EIF2AK4: variants seen among roughly 807,000 people sequenced by gnomAD.
The protein encoded by EIF2AK4 is eIF-2-alpha kinase GCN2.
EIF2AK4 carries 139 observed loss-of-function variants against 211.1 expected under a neutral mutation model. The ratio of observed to expected loss-of-function variants is 0.66; its 90% CI spans 0.57 to 0.76. EIF2AK4 has a LOEUF of 0.76. EIF2AK4 is among the 30% of genes least tolerant of loss of function. EIF2AK4 has a pLI of 0.00. For synonymous variants in EIF2AK4, 710 were observed against 751.3 expected, an observed-to-expected ratio of 0.94 and a Z score of 0.90; for missense variants, 1,664 against 2,043.8, an observed-to-expected ratio of 0.81 and a Z score of 3.58.
In EIF2AK4 at chr15:39,949,352, A is replaced by G. The variant is rs529139248; in HGVS notation, c.513+84A>G. ...GTAGGTTTTATCTGTCTCTGCCTAC[A>G]AACTTATCTTTAAGTTTTGCTCAGC... On this transcript the variant is annotated intron_variant, in intron 4 of 38. Transcript: ENST00000263791. 1.9e-6 allele frequency: 3 copies of G among 1,539,224 alleles called. No homozygotes were observed. The African/African-American group carries it at 4.1e-5, about 21-fold the overall frequency.
Position 39,978,016 on chromosome 15 carries a change from T to C in EIF2AK4, c.2250-62T>C. 9 of 1,226,748 alleles carry C rather than the reference T, an allele frequency of 7.3e-6. 1 individual carries two copies. In the South Asian group the frequency reaches 1.2e-4, roughly 16 times the overall value. The allele number at this position is 1,226,748 out of a possible 1,614,324, so 76.0% of individuals were successfully genotyped here. On this transcript the variant is annotated intron_variant, in intron 12 of 38. Coordinates refer to ENST00000263791, the MANE Select transcript of EIF2AK4 (RefSeq NM_001013703.4). Reference sequence around the variant, plus strand: ...TTGTGCTTTCTAGTATTTAAAAATGTCCATGTTTATAATGATAATAGGGAT... The same window carrying C: ...TTGTGCTTTCTAGTATTTAAAAATGCCCATGTTTATAATGATAATAGGGAT...
chr15:40,026,461 A>C lies in EIF2AK4; in HGVS notation c.4502+372A>C, dbSNP rs561989554. On this transcript the variant is annotated intron_variant, in intron 33 of 38. Coordinates refer to ENST00000263791, the MANE Select transcript of EIF2AK4 (RefSeq NM_001013703.4). ...GAAGAGAAAGACCCTGTCTAAGAAA[A>C]ACAAAAAGAAAGAAATCAATTTGAT... is the stretch of plus-strand genomic sequence containing the variant. Among the ~76,000 whole-genome samples, 116 of 152,320 alleles carry C rather than the reference A, an allele frequency of 7.6e-4. 3 individuals are homozygous for C. The highest frequency in any genetic ancestry group is 7.1e-3 in the Admixed American group (109 of 15,300).
intron 29 of EIF2AK4, among the ~76,000 whole-genome samples, chr15:40,017,543 A>ATGTATGTATG (rs1391823952): frequency 2.4e-5 from 1 of 41,694 alleles, no homozygotes; most frequent in Non-Finnish European, 5.4e-5. Flanking sequence ...ATATATATAT[A>ATGTATGTATG]TATATATATA....
chr15:39,976,299 T>C (rs1370891246), intron 11 of EIF2AK4, 115 bp from the exon 12 acceptor site: 10 of 1,127,094 alleles, frequency 8.9e-6, no homozygotes, highest in Non-Finnish European at 1.1e-5. Context: ...TTCTTGACTG[T>C]AGCTGTGGGA....
chr15:39,957,807 A>G (rs17720724), intron 6 of EIF2AK4, among the ~76,000 whole-genome samples: 13,048 of 152,232 alleles, frequency 0.086, 748 homozygotes, highest in Middle Eastern at 0.23. Flanking sequence ...TAGGGTCTAC[A>G]GCCTCTTTAA....
intron 3 of EIF2AK4, 42 bp downstream of exon 3, chr15:39,943,527 TC>T: frequency 6.7e-7 from 1 of 1,492,390 alleles, no homozygotes; most frequent in Non-Finnish European, 9.1e-7. Flanking sequence ...ACAGTAAACT[TC>T]CCCATTACAC....
rs1432849108 is a variant in EIF2AK4 at position 40,022,564 on chromosome 15, T to C, written c.4348T>C (p.Tyr1450His). The C allele has an allele frequency of 1.9e-6, 3 of 1,614,098 alleles. No homozygotes were observed. In the East Asian group the frequency reaches 6.7e-5, roughly 36 times the overall value. Residue 1450 changes from tyrosine (Y) to histidine (H), a missense_variant, in exon 32 of 39, where the codon TAT becomes CAT. Coordinates refer to ENST00000263791, the MANE Select transcript of EIF2AK4 (RefSeq NM_001013703.4). ...QEYCRHHEIT[Y>H]VALVSDKEGS... ...GTACTGCAGACATCATGAAATCACC[T>C]ATGTGGCCCTTGTCTCGGATAAAGA...
intron 29 of EIF2AK4, among the ~76,000 whole-genome samples, chr15:40,018,375 C>T (rs2035337895): frequency 6.6e-6 from 1 of 151,986 alleles, no homozygotes; most frequent in South Asian, 2.1e-4. Context: ...TTAGGGTTTG[C>T]TTAGCTTCTT....
In EIF2AK4 at chr15:39,939,618, G is replaced by A; in HGVS notation, c.257+1G>A. The A allele has an allele frequency of 1.3e-6, 2 of 1,597,358 alleles. No homozygotes were observed. Among genetic ancestry groups the A allele is most frequent in the Non-Finnish European group, 1.7e-6 (2 of 1,170,376 alleles). The stretch of plus-strand genomic sequence containing the variant: ...AATGCCCACCTACCTATCCAGATGT[G>A]TGAGTACATTTATAAATAGCTTTGA... On this transcript the variant is annotated splice_donor_variant, in intron 2 of 38. Coordinates refer to ENST00000263791, the MANE Select transcript of EIF2AK4 (RefSeq NM_001013703.4). LOFTEE classifies it high-confidence loss of function.
At chr15:39,936,270 C>T (rs532628456) in intron 1 of EIF2AK4, among the ~76,000 whole-genome samples, 8 of 152,236 alleles carry the variant, frequency 5.3e-5, no homozygotes, top group Middle Eastern at 3.4e-3. Flanking sequence ...TATTGTACAC[C>T]GGGCAAATGG....
intron 4 of EIF2AK4, 122 bp from the exon 5 acceptor site, chr15:39,953,782 A>T: frequency 1.1e-6 from 1 of 932,204 alleles, no homozygotes; most frequent in Non-Finnish European, 1.6e-6. Context: ...CTGTGTTTTC[A>T]GATCTCTTAG....
chr15:40,022,581 G>A lies in EIF2AK4; in HGVS notation c.4365G>A (p.Ser1455=), dbSNP rs575500684. 6.6e-5 allele frequency: 106 copies of A among 1,613,984 alleles called. No homozygotes were observed. The highest frequency in any genetic ancestry group is 8.1e-5 in the Non-Finnish European group (95 of 1,180,006). Reference sequence around the variant, plus strand: ...AAATCACCTATGTGGCCCTTGTCTCGGATAAAGAAGGAAGCCATGTCAAGG... The same window carrying A: ...AAATCACCTATGTGGCCCTTGTCTCAGATAAAGAAGGAAGCCATGTCAAGG... ...HHEITYVALV[S]DKEGSHVKVK... Residue 1455 remains serine, a synonymous_variant, in exon 32 of 39, where the codon TCG becomes TCA. Coordinates refer to ENST00000263791, the MANE Select transcript of EIF2AK4 (RefSeq NM_001013703.4).
At chr15:39,968,241 T>C (rs1433564411) in intron 9 of EIF2AK4, among the ~76,000 whole-genome samples, 3 of 152,220 alleles carry the variant, frequency 2.0e-5, no homozygotes, top group Non-Finnish European at 4.4e-5. Flanking sequence ...AGGCTCCTTA[T>C]TCAAAAACAG....
At chr15:39,966,546 T>C (rs1022902242) in intron 8 of EIF2AK4, among the ~76,000 whole-genome samples, 2 of 151,992 alleles carry the variant, frequency 1.3e-5, no homozygotes, top group Non-Finnish European at 2.9e-5. Context: ...AAACTGAATT[T>C]TGGGGGACCG....
At chr15:40,008,275 G>C in intron 25 of EIF2AK4, 80 bp downstream of exon 25, 7 of 1,281,530 alleles carry the variant, frequency 5.5e-6, no homozygotes, top group Non-Finnish European at 7.5e-6. Context: ...CACAGCTACA[G>C]ACCTGCTTCT....
chr15:39,937,157 G>T (rs929531461), intron 1 of EIF2AK4, among the ~76,000 whole-genome samples: 5 of 152,262 alleles, frequency 3.3e-5, no homozygotes, highest in African/African-American at 1.2e-4. Context: ...GCAGCAAAAG[G>T]TCTGCTCATT....
chr15:39,950,233 G>A (rs150288246), intron 4 of EIF2AK4, among the ~76,000 whole-genome samples: 271 of 152,160 alleles, frequency 1.8e-3, no homozygotes, highest in African/African-American at 6.2e-3. Context: ...AACAGCAAAC[G>A]TGCAAGAAGT....
At chr15:39,988,581 G>A (rs1410055067) in intron 15 of EIF2AK4, among the ~76,000 whole-genome samples, 1 of 152,154 alleles carries the variant, frequency 6.6e-6, no homozygotes, top group African/African-American at 2.4e-5. Flanking sequence ...GATTTGAGTA[G>A]TTGCAACAGG....
chr15:39,965,622 C>G (rs568262095), intron 7 of EIF2AK4, 64 bp from the exon 8 acceptor site: 1 of 1,580,232 alleles, frequency 6.3e-7, no homozygotes, highest in East Asian at 2.2e-5. Context: ...TTACCCCCTC[C>G]CTTCCTTCCC....
Sources: gnomAD v4.1 joint callset for allele counts (sites outside exome capture counted in the v4.1 genomes callset) on GRCh38, gnomAD v4.1.1 for gene constraint, MANE v1.5 for transcripts, NCBI Gene and HGNC (gene_info 2026-07-23, HGNC 2026-07-21) for gene names.